Variants in LRRC28 observed in about 807,000 individuals in gnomAD.
LRRC28 encodes the protein leucine-rich repeat-containing protein 28.
In LRRC28, 39 loss-of-function variants were observed where a neutral mutation model predicts 45.7. The observed-to-expected ratio is 0.85, with a 90% CI of 0.66 to 1.12. The LOEUF (loss-of-function observed/expected upper bound fraction) is 1.12. Ranked by LOEUF, LRRC28 falls within the 50% of genes most tolerant of loss-of-function variation. The pLI is 0.00. For synonymous variants in LRRC28, 206 were observed against 178.8 expected (o/e 1.15, Z -1.22); for missense variants, 435 against 438.5 (o/e 0.99, Z 0.07).
At chr15:99,259,985 G>A (rs546751883) in intron 2 of LRRC28, 46 of 632,766 alleles carry the variant, frequency 7.3e-5, no homozygotes, top group South Asian at 5.7e-4. Context: ...ACAAGAAACA[G>A]CAAAGGAATC....
rs776776611 is a variant in LRRC28 at position 99,255,977 on chromosome 15, A to G, written c.20A>G (p.Lys7Arg). 14 of 1,612,384 alleles carry G rather than the reference A, an allele frequency of 8.7e-6. No homozygotes were observed. Among genetic ancestry groups the G allele is most frequent in the Non-Finnish European group, 1.1e-5 (13 of 1,179,930 alleles). ...TCAGTCATGGCGTCCGAACTTTGTA[A>G]GACGATCTCTGTGGCAAGGCTAGAA... is the stretch of plus-strand genomic sequence containing the variant. MASELC[K>R]TISVARLEKH... The change falls in exon 2 of 10, where the codon AAG becomes AGG. Residue 7 changes from lysine to arginine, a missense_variant. Physicochemically the swap from Lys to Arg is conservative, Grantham distance 26 (BLOSUM62 2). Coordinates refer to ENST00000301981, the MANE Select transcript of LRRC28 (RefSeq NM_144598.5).
At chr15:99,379,756 G>C (rs1055572779) in intron 9 of LRRC28, among the ~76,000 whole-genome samples, 1 of 152,102 alleles carries the variant, frequency 6.6e-6, no homozygotes, top group African/African-American at 2.4e-5. Flanking sequence ...GTTCCCATTG[G>C]TTTCAAAGAA....
intron 3 of LRRC28, chr15:99,284,600 G>A (rs777937497): frequency 2.0e-6 from 1 of 490,550 alleles, no homozygotes; most frequent in Non-Finnish European, 4.1e-6. Context: ...TTCCTGCTAA[G>A]CTTTGTTTCC....
At chr15:99,369,019 A>C (rs1322669342) in intron 9 of LRRC28, among the ~76,000 whole-genome samples, 1 of 152,186 alleles carries the variant, frequency 6.6e-6, no homozygotes, top group Non-Finnish European at 1.5e-5. Context: ...AACAGAACAC[A>C]ATTCACTCAA....
At chr15:99,351,137 T>G (rs1039062940) in intron 6 of LRRC28, among the ~76,000 whole-genome samples, 2 of 152,058 alleles carry the variant, frequency 1.3e-5, no homozygotes, top group African/African-American at 4.8e-5. Context: ...GAGCAGATGG[T>G]TAGCAAGACT....
intron 9 of LRRC28, among the ~76,000 whole-genome samples, chr15:99,383,251 C>G (rs538886850): frequency 6.6e-6 from 1 of 152,168 alleles, no homozygotes; most frequent in Non-Finnish European, 1.5e-5. Context: ...GTTACTGATT[C>G]TGGATTGGAG....
intron 6 of LRRC28, among the ~76,000 whole-genome samples, chr15:99,340,904 G>A (rs574825655): frequency 6.6e-6 from 1 of 152,050 alleles, no homozygotes; most frequent in South Asian, 2.1e-4. Context: ...GAATTAGTCA[G>A]TTAACAAAAA....
At chr15:99,347,351 A>G (rs1317840549) in intron 6 of LRRC28, among the ~76,000 whole-genome samples, 1 of 152,118 alleles carries the variant, frequency 6.6e-6, no homozygotes, top group South Asian at 2.1e-4. Context: ...CTGGGACTAC[A>G]GGTGCCCGCA....
In LRRC28 at chr15:99,305,025, C is replaced by T. The variant is rs1273646151; in HGVS notation, c.385+17074C>T. Among the ~76,000 whole-genome samples, 4 of 152,254 alleles carry T rather than the reference C, an allele frequency of 2.6e-5. No individual in the cohort carries two copies. The East Asian group carries it at 5.8e-4, about 22-fold the overall frequency. ...CACCCCAATCTTGTGGACCTGCTCG[C>T]GTGCATCACTGATGGCCAGATCTTA... On this transcript the variant is annotated intron_variant, in intron 5 of 9. Transcript: ENST00000301981.
chr15:99,254,034 G>A (rs886763286), intron 1 of LRRC28, among the ~76,000 whole-genome samples: 3 of 152,236 alleles, frequency 2.0e-5, no homozygotes, highest in Non-Finnish European at 4.4e-5. Flanking sequence ...CTCTTTGAAT[G>A]TGTTAAGTTT....
intron 6 of LRRC28, among the ~76,000 whole-genome samples, chr15:99,339,714 GA>G (rs552093424): frequency 0.027 from 3,610 of 134,006 alleles, 122 homozygotes; most frequent in African/African-American, 0.086. Flanking sequence ...AACAGAGTGA[GA>G]AAAAAAAAAA....
At chr15:99,336,482 AGTT>A (rs758159771) in intron 6 of LRRC28, among the ~76,000 whole-genome samples, 2 of 152,114 alleles carry the variant, frequency 1.3e-5, no homozygotes, top group Non-Finnish European at 2.9e-5. Context: ...AGCATCTTTT[AGTT>A]GTTGTGTGGC....
intron 7 of LRRC28, among the ~76,000 whole-genome samples, chr15:99,358,466 CTG>C (rs1373733457): frequency 6.6e-6 from 1 of 151,782 alleles, no homozygotes; most frequent in African/African-American, 2.4e-5. Context: ...TGAATGATAA[CTG>C]AGAATTGCAA....
In LRRC28 at chr15:99,350,898, C is replaced by G. The variant is rs1026408278; in HGVS notation, c.593-1471C>G. On this transcript the variant is annotated intron_variant, in intron 6 of 9. Coordinates refer to ENST00000301981, the MANE Select transcript of LRRC28 (RefSeq NM_144598.5). ...CATTGCAGCCTCGACCTCCCAGGCTCAAACGATCCTTTCACCTCTCCTGAG... is the reference window on the plus strand; with the variant it reads ...CATTGCAGCCTCGACCTCCCAGGCTGAAACGATCCTTTCACCTCTCCTGAG... 2.0e-5 allele frequency among the ~76,000 whole-genome samples: 3 copies of G among 152,194 alleles called. No homozygotes were observed. In the East Asian group the frequency reaches 5.8e-4, roughly 29 times the overall value.
chr15:99,330,781 AT>A lies in LRRC28; in HGVS notation c.386-3135del, dbSNP rs536746479. Among the ~76,000 whole-genome samples, 22 of 151,926 alleles carry A rather than the reference AT, an allele frequency of 1.4e-4. 1 individual carries two copies. The highest frequency in any genetic ancestry group is 7.7e-4 in the East Asian group (4 of 5,174). On this transcript the variant is annotated intron_variant, in intron 5 of 9. Coordinates refer to ENST00000301981, the MANE Select transcript of LRRC28 (RefSeq NM_144598.5). Reference sequence around the variant, plus strand: ...GCTATGTGTAGTCTACATATCTTGTATTTTTTTCCCCATACCTCTCCTTTTA... The same window carrying A: ...GCTATGTGTAGTCTACATATCTTGTATTTTTTCCCCATACCTCTCCTTTTA...
intron 1 of LRRC28, chr15:99,251,993 A>G (rs1437509799): frequency 3.3e-5 from 5 of 152,214 alleles, no homozygotes; most frequent in Non-Finnish European, 7.3e-5. Flanking sequence ...AGGTCAGTAT[A>G]AGGGACTCCT....
rs532959581 is a variant in LRRC28, at chr15:99,266,383, G to A, written c.169-10193G>A. ...AAAGATGAACACCTAGCCAGGCATC[G>A]AGGCATACCAGCTACTTGGCTGAGA... On this transcript the variant is annotated intron_variant, in intron 2 of 9. Coordinates refer to ENST00000301981, the MANE Select transcript of LRRC28 (RefSeq NM_144598.5). 8.5e-5 allele frequency among the ~76,000 whole-genome samples: 13 copies of A among 152,138 alleles called. No homozygotes were observed. In the South Asian group the frequency reaches 2.5e-3, roughly 29 times the overall value.
intron 9 of LRRC28, among the ~76,000 whole-genome samples, chr15:99,375,770 T>TC (rs1334516520): frequency 6.6e-6 from 1 of 152,154 alleles, no homozygotes; most frequent in Non-Finnish European, 1.5e-5. Context: ...TCCCTGGTAT[T>TC]CCTATACATC....
chr15:99,360,086 C>G (rs1957159503), intron 7 of LRRC28, among the ~76,000 whole-genome samples: 1 of 152,168 alleles, frequency 6.6e-6, no homozygotes, highest in African/African-American at 2.4e-5. Context: ...AAAACCACAC[C>G]TAACAGTCTT....
Sources: allele counts gnomAD v4.1 joint callset (sites outside exome capture counted in the v4.1 genomes callset), GRCh38; gene constraint gnomAD v4.1.1; transcripts MANE v1.5; gene names NCBI Gene and HGNC (gene_info 2026-07-23, HGNC 2026-07-21).